The following CNTN6 variants were observed in gnomAD, a reference collection of about 807,000 sequenced individuals.
CNTN6 encodes the protein contactin-6.
A neutral mutation model predicts 122.8 loss-of-function variants in CNTN6; 137 were observed. The ratio of observed to expected loss-of-function variants is 1.12; its 90% CI spans 0.97 to 1.29. The LOEUF is 1.29. Ranked by LOEUF, CNTN6 falls within the 50% of genes most tolerant of loss-of-function variation. The pLI is 0.00. For missense variants in CNTN6, 1,634 were observed against 1,223.4 expected (o/e 1.34, Z -5.01); for synonymous variants, 570 against 426.0 (o/e 1.34, Z -4.16).
In CNTN6 at chr3:1,335,622, A is replaced by T. The variant is rs144835446; in HGVS notation, c.1364+5687A>T. On this transcript the variant is annotated intron_variant, in intron 11 of 22. Coordinates refer to ENST00000446702, the MANE Select transcript of CNTN6 (RefSeq NM_001289080.2). The stretch of plus-strand genomic sequence containing the variant: ...TGTTCTCTGACAGGCAGCATTAAAT[A>T]CAATTCCTGAATTACCTGGGGTTTG... 6.9e-3 allele frequency among the ~76,000 whole-genome samples: 1,050 copies of T among 152,286 alleles called. 9 individuals carry two copies. The highest frequency in any genetic ancestry group is 0.011 in the Non-Finnish European group (779 of 68,014).
At chr3:1,115,050 G>T (rs2091655410) in intron 1 of CNTN6, among the ~76,000 whole-genome samples, 1 of 152,148 alleles carries the variant, frequency 6.6e-6, no homozygotes, top group Non-Finnish European at 1.5e-5. Flanking sequence ...AAATTGAGCT[G>T]CAGGAGCAGC....
intron 12 of CNTN6, among the ~76,000 whole-genome samples, chr3:1,361,800 A>G (rs1439985903): frequency 3.9e-5 from 6 of 152,184 alleles, no homozygotes; most frequent in Non-Finnish European, 7.3e-5. Context: ...ACAACAGCCA[A>G]GGTGTTTGCA....
At chr3:1,398,679 TATTTC>T (rs1435681280) in intron 20 of CNTN6, among the ~76,000 whole-genome samples, 2 of 152,040 alleles carry the variant, frequency 1.3e-5, no homozygotes, top group Non-Finnish European at 2.9e-5. Flanking sequence ...TTTCATATTT[TATTTC>T]ATATCTCATA....
chr3:1,242,707 G>A (rs896799795), intron 4 of CNTN6, among the ~76,000 whole-genome samples: 1 of 152,118 alleles, frequency 6.6e-6, no homozygotes, highest in Non-Finnish European at 1.5e-5. Flanking sequence ...TGGGGAGAAG[G>A]GCGGCAATGA....
chr3:1,397,877 T>G (rs1695178183), intron 20 of CNTN6, among the ~76,000 whole-genome samples: 1 of 152,164 alleles, frequency 6.6e-6, no homozygotes, highest in Non-Finnish European at 1.5e-5. Context: ...TGCTGTTACT[T>G]AGAGGTGTAA....
intron 20 of CNTN6, among the ~76,000 whole-genome samples, chr3:1,389,408 G>A (rs1249681784): frequency 6.6e-6 from 1 of 151,932 alleles, no homozygotes; most frequent in Non-Finnish European, 1.5e-5. Context: ...TGCTCCTGAA[G>A]GAAGCACTAA....
intron 12 of CNTN6, among the ~76,000 whole-genome samples, chr3:1,360,546 T>C (rs1707302268): frequency 6.6e-6 from 1 of 152,124 alleles, no homozygotes; most frequent in African/African-American, 2.4e-5. Flanking sequence ...TATATAAACA[T>C]ACATGTATAT....
At chr3:1,240,647 C>T (rs556017418) in intron 4 of CNTN6, among the ~76,000 whole-genome samples, 17 of 150,872 alleles carry the variant, frequency 1.1e-4, no homozygotes, top group African/African-American at 3.7e-4. Context: ...GTAGATCTAC[C>T]GTTTGATCCA....
intron 11 of CNTN6, among the ~76,000 whole-genome samples, chr3:1,336,062 AAAC>A (rs1157259994): frequency 6.4e-5 from 2 of 31,330 alleles, no homozygotes; most frequent in African/African-American, 1.6e-4. Flanking sequence ...ACAAACAAAC[AAAC>A]AACAACAACA....
chr3:1,312,612 T>C (rs868687215), intron 7 of CNTN6, among the ~76,000 whole-genome samples: 9 of 48,170 alleles, frequency 1.9e-4, no homozygotes, highest in Middle Eastern at 9.1e-3. Flanking sequence ...TTGCCTCTTA[T>C]ACAAAAAAAA....
At chr3:1,327,739 G>A (rs1701740505) in intron 10 of CNTN6, among the ~76,000 whole-genome samples, 153 bp downstream of exon 10, 1 of 151,716 alleles carries the variant, frequency 6.6e-6, no homozygotes, top group African/African-American at 2.4e-5. Context: ...AAAATTCAAG[G>A]TGGTAATTAT....
chr3:1,114,814 A>C (rs1369196193), intron 1 of CNTN6, among the ~76,000 whole-genome samples: 1 of 152,196 alleles, frequency 6.6e-6, no homozygotes, highest in African/African-American at 2.4e-5. Flanking sequence ...TTTCATTTTC[A>C]ATGAAACATA....
chr3:1,113,715 C>T lies in CNTN6; in HGVS notation c.-83+20595C>T, dbSNP rs114944292. Among the ~76,000 whole-genome samples, 1,069 of 152,210 alleles carry T rather than the reference C, an allele frequency of 7.0e-3. 12 individuals carry two copies. Among genetic ancestry groups the T allele is most frequent in the Non-Finnish European group, 6.6e-3 (451 of 68,012 alleles). ...TTAGGATGTGATTATTACTGTCCTA[C>T]GCCCTCTAGTTAAATCCTGATAGAA... On this transcript the variant is annotated intron_variant, in intron 1 of 22. Coordinates refer to ENST00000446702, the MANE Select transcript of CNTN6 (RefSeq NM_001289080.2).
At chr3:1,131,404 C>T (rs1224387233) in intron 1 of CNTN6, among the ~76,000 whole-genome samples, 1 of 111,890 alleles carries the variant, frequency 8.9e-6, no homozygotes, top group African/African-American at 3.5e-5. Flanking sequence ...CATTCAAAGG[C>T]TGCTTAGGGG....
intron 12 of CNTN6, 54 bp from the exon 13 acceptor site, chr3:1,372,245 T>C (rs1709120586): frequency 3.6e-6 from 5 of 1,376,420 alleles, no homozygotes; most frequent in Non-Finnish European, 4.9e-6. Flanking sequence ...ATGTATTTTA[T>C]AACCATAGGC....
chr3:1,184,393 C>T (rs1244098894), intron 2 of CNTN6, among the ~76,000 whole-genome samples: 2 of 152,132 alleles, frequency 1.3e-5, no homozygotes, highest in African/African-American at 4.8e-5. Context: ...AGGTAACGCT[C>T]ATATGATAGG....
chr3:1,398,547 C>T (rs1204687083), intron 20 of CNTN6, among the ~76,000 whole-genome samples: 1 of 152,048 alleles, frequency 6.6e-6, no homozygotes, highest in Admixed American at 6.6e-5. Flanking sequence ...AGCAACAAAC[C>T]ACTTCGAACA....
chr3:1,138,640 T>C (rs1179147881), intron 1 of CNTN6, among the ~76,000 whole-genome samples: 1 of 152,056 alleles, frequency 6.6e-6, no homozygotes, highest in East Asian at 1.9e-4. Context: ...ACTCTAATAT[T>C]GCTCACAGAT....
intron 5 of CNTN6, among the ~76,000 whole-genome samples, chr3:1,293,459 TA>T (rs1695672737): frequency 1.3e-5 from 2 of 152,178 alleles, no homozygotes; most frequent in African/African-American, 4.8e-5. Flanking sequence ...TTTGGGAATT[TA>T]AATTTAGTAA....
Sources: gnomAD v4.1 joint callset for allele counts (sites outside exome capture counted in the v4.1 genomes callset) on GRCh38, gnomAD v4.1.1 for gene constraint, MANE v1.5 for transcripts, NCBI Gene and HGNC (gene_info 2026-07-23, HGNC 2026-07-21) for gene names.